EPHB1: variants seen among roughly 807,000 people sequenced by gnomAD.
EPHB1 encodes EPH receptor B1.
Under a neutral mutation model 94.4 loss-of-function variants are expected in EPHB1, and 30 were observed. The observed-to-expected ratio is 0.32, with a 90% CI of 0.24 to 0.43. EPHB1 has a LOEUF of 0.43. Among genes scored for constraint, EPHB1 ranks in the 20% least tolerant of loss-of-function variants. The pLI is 1.00. For missense variants in EPHB1, 1,055 were observed against 1,308.3 expected, an observed-to-expected ratio of 0.81 and a Z score of 2.99; for synonymous variants, 522 against 489.1, an observed-to-expected ratio of 1.07 and a Z score of -0.89.
At chr3:135,173,501 T>C (rs1274216189) in intron 9 of EPHB1, among the ~76,000 whole-genome samples, 3 of 152,178 alleles carry the variant, frequency 2.0e-5, no homozygotes, top group Admixed American at 6.5e-5. Flanking sequence ...CCAGCCTGCA[T>C]TGTCCTCCCT....
chr3:134,932,195 T>C (rs558098454), intron 2 of EPHB1, among the ~76,000 whole-genome samples: 1 of 152,322 alleles, frequency 6.6e-6, no homozygotes, highest in African/African-American at 2.4e-5. Context: ...AACACGTATC[T>C]GAATGTCCAT....
chr3:134,948,559 A>G (rs924619067), intron 2 of EPHB1, among the ~76,000 whole-genome samples: 2 of 152,272 alleles, frequency 1.3e-5, no homozygotes. Context: ...GTTCTTTTAC[A>G]TCTAGAGAAT....
intron 2 of EPHB1, among the ~76,000 whole-genome samples, chr3:134,931,614 G>C (rs1221901852): frequency 6.6e-6 from 1 of 152,218 alleles, no homozygotes; most frequent in Non-Finnish European, 1.5e-5. Context: ...CCATAGGAAA[G>C]GGGATGCGAT....
chr3:135,022,974 T>A (rs1936035302), intron 3 of EPHB1, among the ~76,000 whole-genome samples: 1 of 152,230 alleles, frequency 6.6e-6, no homozygotes, highest in Non-Finnish European at 1.5e-5. Flanking sequence ...GTTGGTCAAG[T>A]AGAAAATGTC....
At chr3:135,101,483 C>T (rs1486852982) in intron 3 of EPHB1, among the ~76,000 whole-genome samples, 1 of 152,104 alleles carries the variant, frequency 6.6e-6, no homozygotes, top group Non-Finnish European at 1.5e-5. Context: ...AAGCGATTCT[C>T]CTGCCTCAGC....
At chr3:134,969,038 C>T (rs556233860) in intron 3 of EPHB1, among the ~76,000 whole-genome samples, 51 of 152,298 alleles carry the variant, frequency 3.3e-4, no homozygotes, top group Middle Eastern at 3.4e-3. Flanking sequence ...GGCAAATACC[C>T]AGGCAAGCTC....
Position 134,810,526 on chromosome 3 carries a change from A to T in EPHB1, c.58+14837A>T, listed in dbSNP as rs534020245. ...AGGAGGACTGACCTTTGCAACTCCC[A>T]CTTCACGTTGTTATTAAATATCTGG... On this transcript the variant is annotated intron_variant, in intron 1 of 15. Transcript: ENST00000398015. Among the ~76,000 whole-genome samples, 18 of 152,292 alleles carry T rather than the reference A, an allele frequency of 1.2e-4. No individual in the cohort carries two copies. In the East Asian group the frequency reaches 2.5e-3, roughly 21 times the overall value.
At chr3:134,814,391 A>G (rs1051263296) in intron 1 of EPHB1, among the ~76,000 whole-genome samples, 3 of 152,182 alleles carry the variant, frequency 2.0e-5, no homozygotes, top group Admixed American at 6.5e-5. Context: ...GAAGGGAAAG[A>G]AAAGGTACCT....
intron 3 of EPHB1, among the ~76,000 whole-genome samples, chr3:135,016,870 T>C (rs1408374425): frequency 6.6e-6 from 1 of 152,172 alleles, no homozygotes; most frequent in Non-Finnish European, 1.5e-5. Flanking sequence ...TTCTCGGGAC[T>C]CTGGCCAGGT....
chr3:135,258,661 C>T (rs1457153690), intron 15 of EPHB1, among the ~76,000 whole-genome samples: 3 of 152,050 alleles, frequency 2.0e-5, no homozygotes, highest in Admixed American at 1.3e-4. Context: ...ACTGAAGCCC[C>T]GTATAGTGTG....
intron 1 of EPHB1, among the ~76,000 whole-genome samples, chr3:134,849,818 GT>G (rs1209632661): frequency 6.6e-6 from 1 of 152,162 alleles, no homozygotes; most frequent in Non-Finnish European, 1.5e-5. Context: ...CTGTTACCCC[GT>G]TCTTAGAATC....
chr3:134,831,294 C>T (rs1453206929), intron 1 of EPHB1, among the ~76,000 whole-genome samples: 1 of 152,162 alleles, frequency 6.6e-6, no homozygotes, highest in African/African-American at 2.4e-5. Context: ...ATTACAGATT[C>T]CCACAAAGGG....
chr3:135,256,550 A>G (rs1034106872), intron 15 of EPHB1, among the ~76,000 whole-genome samples: 1 of 151,634 alleles, frequency 6.6e-6, no homozygotes, highest in Non-Finnish European at 1.5e-5. Flanking sequence ...ATTGGCCCCC[A>G]CTCTCTTCTG....
At chr3:135,127,247 CG>C (rs1343802371) in intron 4 of EPHB1, among the ~76,000 whole-genome samples, 1 of 152,182 alleles carries the variant, frequency 6.6e-6, no homozygotes, top group African/African-American at 2.4e-5. Flanking sequence ...TGTTGCAACA[CG>C]TGTTCACTTT....
chr3:135,168,586 G>T (rs1941720135), intron 9 of EPHB1, among the ~76,000 whole-genome samples: 1 of 152,190 alleles, frequency 6.6e-6, no homozygotes, highest in Admixed American at 6.5e-5. Context: ...GACTTTGCTT[G>T]TACCTGTGAT....
At chr3:135,023,343 G>A (rs1936042724) in intron 3 of EPHB1, among the ~76,000 whole-genome samples, 2 of 152,126 alleles carry the variant, frequency 1.3e-5, no homozygotes, top group South Asian at 4.1e-4. Context: ...TGAAATTTTG[G>A]TCTGAATAAT....
rs148105893 is a variant in EPHB1 at position 135,187,302 on chromosome 3, C to T, written c.1883-5274C>T. On this transcript the variant is annotated intron_variant, in intron 10 of 15. Transcript: ENST00000398015. Reference sequence around the variant, plus strand: ...CCCCAGCACAGTCGTTTCCTTTAAGCGTCTGTCTTAAATATAACGTTAATT... The same window carrying T: ...CCCCAGCACAGTCGTTTCCTTTAAGTGTCTGTCTTAAATATAACGTTAATT... 2.4e-4 allele frequency among the ~76,000 whole-genome samples: 36 copies of T among 152,256 alleles called. 2 individuals carry two copies. In the East Asian group the frequency reaches 6.4e-3, roughly 27 times the overall value.
At chr3:135,154,554 A>T (rs1347015705) in intron 6 of EPHB1, among the ~76,000 whole-genome samples, 1 of 152,182 alleles carries the variant, frequency 6.6e-6, no homozygotes, top group East Asian at 1.9e-4. Context: ...CCATTTTTCC[A>T]GTCACATGTT....
chr3:135,213,217 A>G (rs1388930435), intron 12 of EPHB1, among the ~76,000 whole-genome samples: 1 of 152,162 alleles, frequency 6.6e-6, no homozygotes, highest in African/African-American at 2.4e-5. Flanking sequence ...CTTCCCAAGA[A>G]GCTCCTGAAA....
Sources: gnomAD v4.1 joint callset for allele counts (sites outside exome capture counted in the v4.1 genomes callset) on GRCh38, gnomAD v4.1.1 for gene constraint, MANE v1.5 for transcripts, NCBI Gene and HGNC (gene_info 2026-07-23, HGNC 2026-07-21) for gene names.